CAST: variants seen among roughly 807,000 people sequenced by gnomAD.
CAST encodes MIR583 host.
Under a neutral mutation model 119.6 loss-of-function variants are expected in CAST, and 76 were observed. The ratio of observed to expected loss-of-function variants is 0.64; its 90% CI spans 0.53 to 0.77. The LOEUF (loss-of-function observed/expected upper bound fraction) is 0.77, where lower values mean the gene tolerates loss of function less well. Ranked by LOEUF, CAST falls within the 30% of genes least tolerant of loss-of-function variation. The pLI is 0.00. For synonymous variants in CAST, 319 were observed against 331.6 expected (o/e 0.96, Z 0.41); for missense variants, 953 against 946.5 (o/e 1.01, Z -0.09).
At chr5:96,559,198 G>T (rs1050406935) in intron 1 of CAST, among the ~76,000 whole-genome samples, 2 of 152,066 alleles carry the variant, frequency 1.3e-5, no homozygotes, top group East Asian at 3.8e-4. Flanking sequence ...GGTATTGATG[G>T]GAAGTATCTC....
chr5:96,187,178 G>A, the CAST span, among the ~76,000 whole-genome samples: 1 of 152,018 alleles, frequency 6.6e-6, no homozygotes, highest in Non-Finnish European at 1.5e-5. Context: ...TTGTATTTCT[G>A]TGGGATCAGT....
chr5:96,024,907 G>GTAGA, the CAST span, among the ~76,000 whole-genome samples: 4 of 152,124 alleles, frequency 2.6e-5, no homozygotes, highest in Non-Finnish European at 5.9e-5. Context: ...TTGATTCCAA[G>GTAGA]TAGAGGTCAG....
the CAST span, among the ~76,000 whole-genome samples, chr5:96,002,859 CTATT>C: frequency 6.6e-6 from 1 of 152,188 alleles, no homozygotes; most frequent in African/African-American, 2.4e-5. Context: ...TTTTAGATAT[CTATT>C]TAACTCATTT....
At chr5:96,375,957 A>C in the CAST span, among the ~76,000 whole-genome samples, 5 of 148,360 alleles carry the variant, frequency 3.4e-5, no homozygotes, top group African/African-American at 4.9e-5. Context: ...ATATATATAT[A>C]TCTCCTATTA....
chr5:96,446,995 A>C, the CAST span, among the ~76,000 whole-genome samples: 1 of 152,188 alleles, frequency 6.6e-6, no homozygotes, highest in East Asian at 1.9e-4. Flanking sequence ...AATCACAAGC[A>C]CTGGCCAATT....
At chr5:96,109,069 C>T in the CAST span, among the ~76,000 whole-genome samples, 26 of 152,374 alleles carry the variant, frequency 1.7e-4, no homozygotes, top group African/African-American at 5.3e-4. Flanking sequence ...GGCAATGCCT[C>T]GCCCTGCTTC....
chr5:96,736,229 C>G lies in CAST; in HGVS notation c.688C>G (p.Pro230Ala). 1 of 1,608,732 alleles carries G rather than the reference C, an allele frequency of 6.2e-7. No homozygotes were observed. The highest frequency in any genetic ancestry group is 2.2e-5 in the East Asian group (1 of 44,792). Residue 230 changes from proline to alanine, a missense_variant, in exon 10 of 32, where the codon CCA becomes GCA. Pro to Ala is a conservative substitution (Grantham distance 27). Transcript: ENST00000675179. Reference sequence around the variant, plus strand: ...GCCAGTTGAATCTAAACCGGATAAACCATCGGGAAAGGTATGAAGACAACA... The same window carrying G: ...GCCAGTTGAATCTAAACCGGATAAAGCATCGGGAAAGGTATGAAGACAACA... ...AVPVESKPDKPSGKSGMDAAL... is the reference protein window; with the variant it reads ...AVPVESKPDKASGKSGMDAAL...
At chr5:96,103,718 T>C in the CAST span, among the ~76,000 whole-genome samples, 2 of 151,968 alleles carry the variant, frequency 1.3e-5, no homozygotes, top group Non-Finnish European at 2.9e-5. Context: ...ATATACCCAG[T>C]AATGGGATGG....
At chr5:96,673,385 T>C (rs1273516698) in intron 1 of CAST, among the ~76,000 whole-genome samples, 2 of 152,236 alleles carry the variant, frequency 1.3e-5, no homozygotes, top group East Asian at 3.8e-4. Context: ...GAGAGCTCAG[T>C]ACACTCCAGC....
chr5:96,034,697 A>G, the CAST span, among the ~76,000 whole-genome samples: 1 of 151,740 alleles, frequency 6.6e-6, no homozygotes, highest in Non-Finnish European at 1.5e-5. Flanking sequence ...CCTGCTGTAC[A>G]ATAGATCTCT....
the CAST span, among the ~76,000 whole-genome samples, chr5:96,497,211 T>C: frequency 6.6e-6 from 1 of 152,104 alleles, no homozygotes; most frequent in Non-Finnish European, 1.5e-5. Context: ...TATGGCTACA[T>C]AGTATTCCAT....
chr5:96,053,912 T>A, the CAST span, among the ~76,000 whole-genome samples: 1 of 152,178 alleles, frequency 6.6e-6, no homozygotes, highest in Non-Finnish European at 1.5e-5. Flanking sequence ...CTCCCCCAAC[T>A]CCACTACAGC....
At chr5:96,245,149 A>T in the CAST span, among the ~76,000 whole-genome samples, 1 of 152,240 alleles carries the variant, frequency 6.6e-6, no homozygotes, top group Non-Finnish European at 1.5e-5. Flanking sequence ...AAACTTTCTA[A>T]ATTCTAGAGA....
the CAST span, among the ~76,000 whole-genome samples, chr5:96,145,979 C>T: frequency 3.9e-5 from 6 of 152,160 alleles, no homozygotes; most frequent in Non-Finnish European, 8.8e-5. Context: ...CTGCTTTTGC[C>T]TCCTCATAGC....
At chr5:96,566,389 G>A (rs149449) in intron 1 of CAST, among the ~76,000 whole-genome samples, 75,789 of 152,030 alleles carry the variant, frequency 0.5, 19,088 homozygotes, top group Middle Eastern at 0.53. Context: ...AGGAAGGGAA[G>A]ACATTAGTGA....
chr5:96,087,299 G>A, the CAST span, among the ~76,000 whole-genome samples: 2 of 152,194 alleles, frequency 1.3e-5, no homozygotes, highest in South Asian at 2.1e-4. Flanking sequence ...AGAGAACTAA[G>A]AGTGTGTGTG....
chr5:96,231,773 TA>T, the CAST span, among the ~76,000 whole-genome samples: 1 of 151,402 alleles, frequency 6.6e-6, no homozygotes, highest in Admixed American at 6.6e-5. Context: ...AATAAAAACA[TA>T]AAAAGGCAAA....
At chr5:96,759,286 T>G (rs1767127793) in intron 24 of CAST, among the ~76,000 whole-genome samples, 1 of 152,138 alleles carries the variant, frequency 6.6e-6, no homozygotes, top group African/African-American at 2.4e-5. Context: ...AAAGAGTAGC[T>G]CCTGTACGTA....
intron 3 of CAST, among the ~76,000 whole-genome samples, chr5:96,698,620 ATCCC>A (rs924854793): frequency 2.0e-5 from 3 of 152,226 alleles, no homozygotes; most frequent in African/African-American, 7.2e-5. Context: ...TCATAGCATT[ATCCC>A]TTAAGGAATT....
Sources: gnomAD v4.1 joint callset for allele counts (sites outside exome capture counted in the v4.1 genomes callset) on GRCh38, gnomAD v4.1.1 for gene constraint, MANE v1.5 for transcripts, NCBI Gene and HGNC (gene_info 2026-07-23, HGNC 2026-07-21) for gene names.